The following SH3RF3 variants were observed in gnomAD, a reference collection of about 807,000 sequenced individuals.
SH3RF3 encodes E3 ubiquitin-protein ligase SH3RF3.
SH3RF3 carries 29 observed loss-of-function variants against 66.3 expected under a neutral mutation model. The ratio of observed to expected loss-of-function variants is 0.44; its 90% confidence interval spans 0.33 to 0.60. The LOEUF is 0.60. Among genes scored for constraint, SH3RF3 ranks in the 20% least tolerant of loss-of-function variants. SH3RF3 has a pLI of 0.04. For synonymous variants in SH3RF3, 583 were observed against 532.0 expected, an observed-to-expected ratio of 1.10 and a Z score of -1.32; for missense variants, 1,194 against 1,190.9, an observed-to-expected ratio of 1.00 and a Z score of -0.04.
At chr2:109,494,687 T>A (rs1023192891) in intron 9 of SH3RF3, among the ~76,000 whole-genome samples, 1 of 152,102 alleles carries the variant, frequency 6.6e-6, no homozygotes, top group Non-Finnish European at 1.5e-5. Context: ...CCTGTGATCA[T>A]GAAAGTGGGA....
At chr2:109,207,154 A>G (rs960526546) in intron 1 of SH3RF3, among the ~76,000 whole-genome samples, 1 of 152,166 alleles carries the variant, frequency 6.6e-6, no homozygotes, top group Non-Finnish European at 1.5e-5. Flanking sequence ...TGAGGGTGCA[A>G]TGACGACACA....
intron 1 of SH3RF3, among the ~76,000 whole-genome samples, chr2:109,289,070 A>T (rs1479585871): frequency 6.6e-6 from 1 of 152,210 alleles, no homozygotes; most frequent in Non-Finnish European, 1.5e-5. Context: ...TAGGTGCTAA[A>T]TTATAACTGA....
chr2:109,395,452 G>T (rs1676116531), intron 3 of SH3RF3, among the ~76,000 whole-genome samples: 1 of 152,206 alleles, frequency 6.6e-6, no homozygotes, highest in Non-Finnish European at 1.5e-5. Flanking sequence ...CTGCAGGGAT[G>T]CTGGGGATGC....
chr2:109,501,383 T>G lies in SH3RF3; in HGVS notation c.2481-120T>G, dbSNP rs746153233. 1.7e-4 allele frequency: 90 copies of G among 527,792 alleles called. 1 individual carries two copies. In the Middle Eastern group the frequency reaches 4.0e-3, roughly 23 times the overall value. 32.7% of individuals were successfully genotyped at this position (527,792 alleles called of 1,614,324 possible). On this transcript the variant is annotated intron_variant, in intron 9 of 9. Transcript: ENST00000309415. ...ATTAAAAATAAAGATAAATAGAAAT[T>G]GTATAAAGTGGGAAAATAGCAGCAA...
intron 1 of SH3RF3, among the ~76,000 whole-genome samples, chr2:109,147,645 GATTT>G (rs994608700): frequency 7.2e-5 from 11 of 152,196 alleles, no homozygotes; most frequent in South Asian, 2.1e-4. Flanking sequence ...TCTTGAAAAT[GATTT>G]ATTTGTCAAT....
intron 8 of SH3RF3, among the ~76,000 whole-genome samples, chr2:109,474,158 C>T (rs1473846028): frequency 6.6e-6 from 1 of 152,202 alleles, no homozygotes; most frequent in East Asian, 1.9e-4. Context: ...GAAGCTTGGC[C>T]GCACCTGCGT....
chr2:109,360,297 T>C (rs1190356606), intron 2 of SH3RF3, among the ~76,000 whole-genome samples: 1 of 152,198 alleles, frequency 6.6e-6, no homozygotes, highest in Non-Finnish European at 1.5e-5. Flanking sequence ...TGTAAGAAAA[T>C]GATTGCTTAT....
At chr2:109,371,729 T>C (rs776113895) in intron 3 of SH3RF3, 48 bp downstream of exon 3, 12 of 1,540,342 alleles carry the variant, frequency 7.8e-6, no homozygotes, top group Middle Eastern at 3.4e-4. Flanking sequence ...TGCCCACCCT[T>C]GTTTCACTAC....
rs185002912 is a variant in SH3RF3 at position 109,340,515 on chromosome 2, C to T, written c.574-7159C>T. ...TGAATATGGGCAGATGCTGGAGGGG[C>T]GGTCCTCAGTTCTCCCATCTGACTT... On this transcript the variant is annotated intron_variant, in intron 1 of 9. Coordinates refer to ENST00000309415, the MANE Select transcript of SH3RF3 (RefSeq NM_001099289.3). Among the ~76,000 whole-genome samples, 325 of 152,260 alleles carry T rather than the reference C, an allele frequency of 2.1e-3. 1 individual carries two copies. Among genetic ancestry groups the T allele is most frequent in the Non-Finnish European group, 1.9e-3 (130 of 68,016 alleles).
At chr2:109,469,473 G>A (rs1678446211) in intron 8 of SH3RF3, among the ~76,000 whole-genome samples, 1 of 152,230 alleles carries the variant, frequency 6.6e-6, no homozygotes, top group African/African-American at 2.4e-5. Context: ...TTGTGCAGGG[G>A]TCACACTATG....
At chr2:109,464,159 C>T (rs1474506758) in intron 8 of SH3RF3, among the ~76,000 whole-genome samples, 1 of 152,178 alleles carries the variant, frequency 6.6e-6, no homozygotes, top group Non-Finnish European at 1.5e-5. Context: ...GACAAGAGCT[C>T]ACCACTTAAT....
chr2:109,490,367 G>A lies in SH3RF3; in HGVS notation c.2149-238G>A, dbSNP rs999530782. ...TGCTTTAACACAGCCTGGTGTGCCT[G>A]CAAGCGTCACCTGGCCCTCACTGGT... On this transcript the variant is annotated intron_variant, in intron 8 of 9. Coordinates refer to ENST00000309415, the MANE Select transcript of SH3RF3 (RefSeq NM_001099289.3). Among the ~76,000 whole-genome samples the A allele has an allele frequency of 7.2e-5, 11 of 152,230 alleles. 1 individual carries two copies. Among genetic ancestry groups the A allele is most frequent in the Non-Finnish European group, 1.5e-5 (1 of 68,048 alleles).
At chr2:109,295,594 A>G (rs1477980725) in intron 1 of SH3RF3, among the ~76,000 whole-genome samples, 2 of 152,186 alleles carry the variant, frequency 1.3e-5, no homozygotes, top group African/African-American at 4.8e-5. Flanking sequence ...TCCCAGCCAC[A>G]TGCTTGTAGC....
Position 109,351,476 on chromosome 2 carries a change from A to G in SH3RF3, c.849+3527A>G, listed in dbSNP as rs141121377. Among the ~76,000 whole-genome samples the G allele has an allele frequency of 2.0e-5, 3 of 152,292 alleles. No homozygotes were observed. In the East Asian group the frequency reaches 5.8e-4, roughly 29 times the overall value. On this transcript the variant is annotated intron_variant, in intron 2 of 9. Transcript: ENST00000309415. ...CCATTGTTTGAGCAGCTAACTCTAT[A>G]TTGTCTTACTCAGCTCACCTGCAAG...
intron 1 of SH3RF3, among the ~76,000 whole-genome samples, chr2:109,154,358 A>G (rs990676443): frequency 2.6e-5 from 4 of 152,100 alleles, no homozygotes; most frequent in African/African-American, 9.7e-5. Context: ...GTTTTGGGGA[A>G]GCTTCTGGGT....
intron 3 of SH3RF3, among the ~76,000 whole-genome samples, chr2:109,394,452 G>A (rs1326662185): frequency 6.6e-6 from 1 of 152,130 alleles, no homozygotes; most frequent in Non-Finnish European, 1.5e-5. Context: ...CCCTGCAGAG[G>A]GGCCCCAGAA....
intron 1 of SH3RF3, among the ~76,000 whole-genome samples, chr2:109,197,943 A>T (rs1233871683): frequency 6.6e-6 from 1 of 152,170 alleles, no homozygotes; most frequent in East Asian, 1.9e-4. Context: ...AGCCTTGGTT[A>T]TTTGGCATCT....
chr2:109,136,235 A>C (rs1046387700), intron 1 of SH3RF3, among the ~76,000 whole-genome samples: 12 of 151,826 alleles, frequency 7.9e-5, no homozygotes, highest in African/African-American at 1.5e-4. Flanking sequence ...TTAAAAAAAA[A>C]CACACACATC....
At chr2:109,457,445 G>A (rs758581385) in intron 8 of SH3RF3, among the ~76,000 whole-genome samples, 3 of 152,162 alleles carry the variant, frequency 2.0e-5, no homozygotes, top group Non-Finnish European at 4.4e-5. Flanking sequence ...AAATGAAAAG[G>A]ATTTGTAAGT....
Sources: gnomAD v4.1 joint callset for allele counts (sites outside exome capture counted in the v4.1 genomes callset) on GRCh38, gnomAD v4.1.1 for gene constraint, MANE v1.5 for transcripts, NCBI Gene and HGNC (gene_info 2026-07-23, HGNC 2026-07-21) for gene names.